QTMAN: variants seen among roughly 807,000 people sequenced by gnomAD.
The protein encoded by QTMAN is tRNA-queuosine alpha-mannosyltransferase.
the QTMAN span, among the ~76,000 whole-genome samples, chr2:144,278,541 CTTTT>C: frequency 1.5e-5 from 2 of 137,730 alleles, no homozygotes; most frequent in Admixed American, 1.5e-4. Context: ...TGTTTTCCTT[CTTTT>C]TTTTTTTTTT....
At chr2:144,067,704 A>C in the QTMAN span, among the ~76,000 whole-genome samples, 2 of 152,252 alleles carry the variant, frequency 1.3e-5, no homozygotes, top group Non-Finnish European at 2.9e-5. Flanking sequence ...TTCAGCATCC[A>C]ACATTTAAAA....
the QTMAN span, among the ~76,000 whole-genome samples, chr2:144,161,157 G>C: frequency 6.6e-6 from 1 of 152,126 alleles, no homozygotes; most frequent in African/African-American, 2.4e-5. Flanking sequence ...ACACTCCATT[G>C]TCATGTTCTA....
chr2:143,966,730 T>A, the QTMAN span, among the ~76,000 whole-genome samples: 1 of 152,248 alleles, frequency 6.6e-6, no homozygotes, highest in African/African-American at 2.4e-5. Flanking sequence ...CTCTTAATTC[T>A]ACTATACATT....
the QTMAN span, among the ~76,000 whole-genome samples, chr2:144,032,507 T>C: frequency 3.3e-5 from 5 of 152,236 alleles, no homozygotes; most frequent in African/African-American, 9.6e-5. Flanking sequence ...ATGAAAATCA[T>C]AGTATCCGTC....
chr2:144,112,420 T>G, the QTMAN span, among the ~76,000 whole-genome samples: 1 of 152,232 alleles, frequency 6.6e-6, no homozygotes, highest in African/African-American at 2.4e-5. Context: ...TCCCTGGCTT[T>G]CTTTCTGACT....
the QTMAN span, among the ~76,000 whole-genome samples, chr2:144,037,949 G>GA: frequency 6.6e-6 from 1 of 152,272 alleles, no homozygotes; most frequent in South Asian, 2.1e-4. Context: ...AGGTAGACAT[G>GA]AAATTACAAG....
At chr2:144,287,877 A>G in the QTMAN span, among the ~76,000 whole-genome samples, 1 of 152,136 alleles carries the variant, frequency 6.6e-6, no homozygotes, top group African/African-American at 2.4e-5. Context: ...TATCTTTGAC[A>G]TGGAGTCTCG....
chr2:144,141,990 C>G, the QTMAN span: 3 of 1,610,364 alleles, frequency 1.9e-6, no homozygotes, highest in Non-Finnish European at 2.5e-6. Flanking sequence ...CATAAATTTT[C>G]CCATGGAAGT....
chr2:144,019,435 G>GAGGTGTGT, the QTMAN span, among the ~76,000 whole-genome samples: 1 of 117,224 alleles, frequency 8.5e-6, no homozygotes, highest in Non-Finnish European at 1.8e-5. Context: ...TAAGCATGCA[G>GAGGTGTGT]GTGTGTGTGT....
chr2:144,009,256 T>G, the QTMAN span, among the ~76,000 whole-genome samples: 1 of 151,952 alleles, frequency 6.6e-6, no homozygotes, highest in Non-Finnish European at 1.5e-5. Flanking sequence ...TCTAAGGAGT[T>G]GCCTCATTAA....
the QTMAN span, among the ~76,000 whole-genome samples, chr2:144,171,511 A>G: frequency 3.3e-5 from 5 of 152,314 alleles, no homozygotes; most frequent in Non-Finnish European, 7.3e-5. Context: ...AATTCAAATT[A>G]CTGTAAATGA....
the QTMAN span, among the ~76,000 whole-genome samples, chr2:144,272,441 C>T: frequency 6.6e-6 from 1 of 152,076 alleles, no homozygotes; most frequent in African/African-American, 2.4e-5. Context: ...TGTTATTTTT[C>T]CATATTCCCT....
At chr2:144,127,237 C>T in the QTMAN span, among the ~76,000 whole-genome samples, 1 of 151,926 alleles carries the variant, frequency 6.6e-6, no homozygotes, top group South Asian at 2.1e-4. Context: ...CAGCCCTCTT[C>T]CACAGTGCTA....
the QTMAN span, among the ~76,000 whole-genome samples, chr2:143,995,766 T>C: frequency 6.6e-6 from 1 of 152,194 alleles, no homozygotes; most frequent in African/African-American, 2.4e-5. Context: ...ATTGTACATA[T>C]CTACGCTGAT....
chr2:144,033,637 C>A, the QTMAN span, among the ~76,000 whole-genome samples: 1 of 152,250 alleles, frequency 6.6e-6, no homozygotes, highest in Non-Finnish European at 1.5e-5. Flanking sequence ...CTATCCAGTC[C>A]CTCTTTCTTA....
At chr2:144,211,782 G>C in the QTMAN span, among the ~76,000 whole-genome samples, 5 of 152,082 alleles carry the variant, frequency 3.3e-5, no homozygotes, top group Non-Finnish European at 7.4e-5. Flanking sequence ...CCACTTCACT[G>C]CTATGGTGGA....
the QTMAN span, among the ~76,000 whole-genome samples, chr2:144,063,700 T>C: frequency 1.3e-5 from 2 of 152,198 alleles, no homozygotes; most frequent in Non-Finnish European, 2.9e-5. Flanking sequence ...TGACAGTTCT[T>C]GAGGAGTTGA....
At chr2:144,311,491 A>G in the QTMAN span, among the ~76,000 whole-genome samples, 2 of 152,226 alleles carry the variant, frequency 1.3e-5, no homozygotes, top group African/African-American at 4.8e-5. Flanking sequence ...AGATGACATA[A>G]AAATACCAAG....
At chr2:144,127,109 C>T in the QTMAN span, among the ~76,000 whole-genome samples, 2 of 151,942 alleles carry the variant, frequency 1.3e-5, no homozygotes, top group African/African-American at 2.4e-5. Flanking sequence ...CCAACCCGCA[C>T]ATTCAGGACA....
Sources: gnomAD v4.1 joint callset for allele counts (sites outside exome capture counted in the v4.1 genomes callset) on GRCh38, gnomAD v4.1.1 for gene constraint, MANE v1.5 for transcripts, NCBI Gene and HGNC (gene_info 2026-07-23, HGNC 2026-07-21) for gene names.